FCER2: variants seen among roughly 807,000 people sequenced by gnomAD.
FCER2 encodes Fc epsilon receptor II, also known as low affinity immunoglobulin epsilon Fc receptor.
A neutral mutation model predicts 49.7 loss-of-function variants in FCER2; 38 were observed. That is an observed-to-expected ratio of 0.76 (90% CI 0.59 to 1.00). The LOEUF is 1.00. Ranked by LOEUF, FCER2 falls within the 50% of genes least tolerant of loss-of-function variation. The pLI is 0.00. For synonymous variants in FCER2, 163 were observed against 164.6 expected, an observed-to-expected ratio of 0.99 and a Z score of 0.07; for missense variants, 425 against 419.5, an observed-to-expected ratio of 1.01 and a Z score of -0.11.
rs564073194 is a variant in FCER2 at position 7,688,824 on chromosome 19, A to G, written c.*369T>C. 4 of 236,114 alleles carry G rather than the reference A, an allele frequency of 1.7e-5. No individual in the cohort carries two copies. The highest frequency in any genetic ancestry group is 1.1e-4 in the South Asian group (1 of 9,080). 14.6% of individuals were successfully genotyped at this position (236,114 alleles called of 1,614,324 possible). A position where few individuals can be genotyped will look rare whatever the true frequency, so the allele number is the denominator to read the frequency against. ...TTATTGATGCAGGCTGGACAGGAGG[A>G]CTCACCACCTGAGCTGGGGATACTC... is the stretch of plus-strand genomic sequence containing the variant. On this transcript the variant is annotated 3_prime_UTR_variant, in exon 11 of 11. Transcript: ENST00000597921.
chr19:7,698,256 A>T, intron 4 of FCER2, 100 bp downstream of exon 4: 1 of 874,296 alleles, frequency 1.1e-6, no homozygotes, highest in Non-Finnish European at 1.8e-6. Flanking sequence ...TTTGACCTTC[A>T]GTTCCTTAGC....
At chr19:7,693,839 G>A (rs34624121) in intron 8 of FCER2, among the ~76,000 whole-genome samples, 19,034 of 151,556 alleles carry the variant, frequency 0.13, 1,345 homozygotes, top group Middle Eastern at 0.27. Flanking sequence ...AGTAGAGACG[G>A]GGTTTCACCA....
chr19:7,699,460 G>A (rs1199767936), intron 2 of FCER2: 19 of 1,456,556 alleles, frequency 1.3e-5, no homozygotes, highest in Middle Eastern at 1.8e-4. Flanking sequence ...TGGGCTCCCC[G>A]CTCCCTAGCT....
intron 4 of FCER2, 29 bp downstream of exon 4, chr19:7,698,321 TCACCCC>T: frequency 3.4e-6 from 5 of 1,491,390 alleles, no homozygotes; most frequent in Non-Finnish European, 4.6e-6. Flanking sequence ...ATCCTAACCC[TCACCCC>T]CACCCCCTCC....
chr19:7,698,793 C>G lies in FCER2; in HGVS notation c.84G>C (p.Gly28=). 6.2e-7 allele frequency: 1 copy of G among 1,612,762 alleles called. No homozygotes were observed. ...CRRGTQIVLL[G]LVTAALWAGL... is the part of the protein sequence containing the mutation. Reference sequence around the variant, plus strand: ...CAGCCCACAGAGCGGCGGTCACCAGCCCCAGCAGCACGATCTGAGTCCCAC... The same window carrying G: ...CAGCCCACAGAGCGGCGGTCACCAGGCCCAGCAGCACGATCTGAGTCCCAC... The change falls in exon 3 of 11, where the codon GGG becomes GGC. Residue 28 remains glycine, a synonymous_variant. Transcript: ENST00000597921.
rs142786364 is a variant in FCER2 at position 7,696,795 on chromosome 19, G to A, written c.469+30C>T. On this transcript the variant is annotated intron_variant, in intron 8 of 10. Transcript: ENST00000597921. ...GCCCGAGCCCCAGGTGAGGTCACGC[G>A]TCGTCCTGAGCAGAGACTCACACAC... is the stretch of plus-strand genomic sequence containing the variant. 2.9e-4 allele frequency: 440 copies of A among 1,530,832 alleles called. 5 individuals are homozygous for A. The East Asian group carries it at 0.01, about 36-fold the overall frequency. 94.8% of individuals were successfully genotyped at this position (1,530,832 alleles called of 1,614,324 possible).
intron 8 of FCER2, among the ~76,000 whole-genome samples, chr19:7,694,947 A>G (rs1213468193): frequency 6.6e-6 from 1 of 151,924 alleles, no homozygotes; most frequent in Middle Eastern, 3.2e-3. Flanking sequence ...TGATCCTCCC[A>G]CCTCAGCCTC....
chr19:7,701,190 A>G (rs1490097376), intron 1 of FCER2, among the ~76,000 whole-genome samples: 1 of 152,100 alleles, frequency 6.6e-6, no homozygotes, highest in African/African-American at 2.4e-5. Context: ...GTCACGGGCT[A>G]CCTTCTTTCG....
At chr19:7,691,509 C>G (rs1240759157) in intron 8 of FCER2, among the ~76,000 whole-genome samples, 1 of 151,926 alleles carries the variant, frequency 6.6e-6, no homozygotes, top group Non-Finnish European at 1.5e-5. Context: ...AGCAACACTT[C>G]AATCACCAAC....
intron 8 of FCER2, among the ~76,000 whole-genome samples, chr19:7,692,139 T>C (rs1255385708): frequency 1.4e-5 from 2 of 140,786 alleles, no homozygotes; most frequent in African/African-American, 5.7e-5. Flanking sequence ...CATCAACACA[T>C]CAACCACCAA....
intron 2 of FCER2, chr19:7,699,477 G>GTTT: frequency 3.6e-5 from 46 of 1,261,308 alleles, no homozygotes; most frequent in South Asian, 1.0e-4. Flanking sequence ...AGCTGAAGCC[G>GTTT]TTTTTTTTTT....
chr19:7,689,009 T>A lies in FCER2; in HGVS notation c.*184A>T. On this transcript the variant is annotated 3_prime_UTR_variant, in exon 11 of 11. Transcript: ENST00000597921. ...GAGGGTGCTGTTGGGGGCACTCCCA[T>A]CTGGAGAGGGTGCTGTTGGGGTGTA... 1.7e-6 allele frequency: 1 copy of A among 597,992 alleles called. No homozygotes were observed. The highest frequency in any genetic ancestry group is 2.8e-5 in the East Asian group (1 of 36,032). The allele number at this position is 597,992 out of a possible 1,614,324, so 37.0% of individuals were successfully genotyped here.
intron 8 of FCER2, among the ~76,000 whole-genome samples, chr19:7,694,329 C>T (rs977129690): frequency 3.9e-5 from 6 of 152,150 alleles, no homozygotes; most frequent in Admixed American, 2.0e-4. Flanking sequence ...TGTGCCACTG[C>T]ACTCCAGCCT....
chr19:7,691,278 G>A (rs1192932564), intron 8 of FCER2, among the ~76,000 whole-genome samples: 1 of 152,010 alleles, frequency 6.6e-6, no homozygotes. Context: ...CACTTCAGTT[G>A]TCATTATAAT....
At chr19:7,690,599 GCCTTGGGCA>G (rs1568486713) in intron 8 of FCER2, 42 bp from the exon 9 acceptor site, 1 of 1,597,516 alleles carries the variant, frequency 6.3e-7, no homozygotes, top group African/African-American at 1.3e-5. Context: ...CAATGGAAGT[GCCTTGGGCA>G]CCCTGGGCAG....
At chr19:7,700,077 G>A (rs2033121246) in intron 1 of FCER2, 1 of 407,896 alleles carries the variant, frequency 2.5e-6, no homozygotes, top group East Asian at 4.4e-5. Context: ...CACAGCAGGT[G>A]CACCCATGAG....
chr19:7,698,441 G>T (rs774623335), intron 3 of FCER2, 32 bp from the exon 4 acceptor site: 1 of 1,564,554 alleles, frequency 6.4e-7, no homozygotes, highest in South Asian at 1.1e-5. Context: ...GAGTGGAGAG[G>T]GGGGATTGTC....
chr19:7,694,680 G>A (rs919186495), intron 8 of FCER2, among the ~76,000 whole-genome samples: 7 of 152,102 alleles, frequency 4.6e-5, no homozygotes, highest in Non-Finnish European at 5.9e-5. Context: ...ACATCCCAGG[G>A]GATGGGACTC....
intron 2 of FCER2, chr19:7,699,459 C>A (rs539066348): frequency 6.8e-7 from 1 of 1,461,782 alleles, no homozygotes; most frequent in South Asian, 1.3e-5. Flanking sequence ...TTGGGCTCCC[C>A]GCTCCCTAGC....
Sources: allele counts gnomAD v4.1 joint callset (sites outside exome capture counted in the v4.1 genomes callset), GRCh38; gene constraint gnomAD v4.1.1; transcripts MANE v1.5; gene names NCBI Gene and HGNC (gene_info 2026-07-23, HGNC 2026-07-21).